The following PRKG1 variants were observed in gnomAD, a reference collection of about 807,000 sequenced individuals.
PRKG1 encodes the protein protein kinase cGMP-dependent 1.
Under a neutral mutation model 88.1 loss-of-function variants are expected in PRKG1, and 35 were observed. The ratio of observed to expected loss-of-function variants is 0.40; its 90% confidence interval spans 0.30 to 0.53. The LOEUF (loss-of-function observed/expected upper bound fraction) is 0.53. PRKG1 is among the 20% of genes least tolerant of loss of function. PRKG1 has a pLI of 0.59. For missense variants in PRKG1, 540 were observed against 839.8 expected (o/e 0.64, Z 4.41); for synonymous variants, 303 against 292.5 (o/e 1.04, Z -0.37).
chr10:51,240,625 G>A (rs1397112162), intron 2 of PRKG1, among the ~76,000 whole-genome samples: 3 of 152,130 alleles, frequency 2.0e-5, no homozygotes, highest in South Asian at 2.1e-4. Context: ...TTGTATTTAT[G>A]TATCTAATTG....
chr10:51,668,987 A>G (rs1456599340), intron 3 of PRKG1, among the ~76,000 whole-genome samples: 1 of 152,174 alleles, frequency 6.6e-6, no homozygotes, highest in Non-Finnish European at 1.5e-5. Context: ...CTTTCATGTT[A>G]TACCTAATGT....
At chr10:51,459,693 T>C (rs757364541) in intron 2 of PRKG1, among the ~76,000 whole-genome samples, 15 of 152,170 alleles carry the variant, frequency 9.9e-5, no homozygotes, top group Non-Finnish European at 2.1e-4. Context: ...AGTCAGTCAA[T>C]GGTGGAGCCA....
At chr10:52,088,553 T>A (rs1415342826) in intron 7 of PRKG1, among the ~76,000 whole-genome samples, 1 of 152,148 alleles carries the variant, frequency 6.6e-6, no homozygotes, top group East Asian at 1.9e-4. Flanking sequence ...CTATCTCCTG[T>A]GCTGTGTGTG....
In PRKG1 at chr10:51,554,107, C is replaced by T. The variant is rs982365241; in HGVS notation, c.592+86271C>T. ...GTGATACGTGTATATATTATATGTG[C>T]GTATGTGATACGTGTATATATTATA... On this transcript the variant is annotated intron_variant, in intron 3 of 17. Transcript: ENST00000373980. 3.0e-4 allele frequency among the ~76,000 whole-genome samples: 36 copies of T among 119,608 alleles called. 8 individuals carry two copies. The highest frequency in any genetic ancestry group is 5.6e-3 in the Middle Eastern group (1 of 180). The allele number at this position is 119,608 out of a possible 152,430, so 78.5% of individuals were successfully genotyped here.
chr10:52,038,343 C>T (rs949567754), intron 5 of PRKG1, among the ~76,000 whole-genome samples: 15 of 147,254 alleles, frequency 1.0e-4, no homozygotes, highest in East Asian at 8.0e-4. Context: ...GAGGTTGGGG[C>T]GCAGAGATAA....
intron 2 of PRKG1, among the ~76,000 whole-genome samples, chr10:51,279,049 G>A (rs929781742): frequency 2.3e-4 from 35 of 151,896 alleles, no homozygotes; most frequent in African/African-American, 8.5e-4. Flanking sequence ...GCAATGTTAG[G>A]GTGTCAATTT....
At chr10:51,790,167 A>C (rs1838832909) in intron 3 of PRKG1, among the ~76,000 whole-genome samples, 1 of 152,116 alleles carries the variant, frequency 6.6e-6, no homozygotes, top group South Asian at 2.1e-4. Context: ...AGCCTGTCTA[A>C]ATCTGGATGC....
intron 5 of PRKG1, among the ~76,000 whole-genome samples, chr10:51,928,770 C>G (rs1842629032): frequency 6.6e-6 from 1 of 152,038 alleles, no homozygotes; most frequent in Non-Finnish European, 1.5e-5. Context: ...TTACTGTTGA[C>G]CCACAAAGAG....
chr10:51,530,565 A>G (rs1039800414), intron 3 of PRKG1, among the ~76,000 whole-genome samples: 2 of 152,198 alleles, frequency 1.3e-5, no homozygotes, highest in African/African-American at 4.8e-5. Flanking sequence ...CCATTTGCCC[A>G]TATGAGTTTC....
chr10:51,547,535 G>T lies in PRKG1; in HGVS notation c.592+79699G>T, dbSNP rs149655852. 4.4e-3 allele frequency among the ~76,000 whole-genome samples: 673 copies of T among 152,096 alleles called. 6 individuals carry two copies. Among genetic ancestry groups the T allele is most frequent in the African/African-American group, 0.015 (637 of 41,506 alleles). On this transcript the variant is annotated intron_variant, in intron 3 of 17. Transcript: ENST00000373980. ...TAGAAGAATTACATTTGATTTTATA[G>T]GACACTGAAAGTTCTCATTCTTGTC...
intron 1 of PRKG1, among the ~76,000 whole-genome samples, chr10:51,033,678 G>A (rs902724782): frequency 1.3e-5 from 2 of 152,102 alleles, no homozygotes; most frequent in Non-Finnish European, 2.9e-5. Context: ...GTCTTAAAAG[G>A]TATGATTCCC....
At chr10:52,170,568 G>A (rs929940616) in intron 9 of PRKG1, among the ~76,000 whole-genome samples, 1 of 152,066 alleles carries the variant, frequency 6.6e-6, no homozygotes, top group Non-Finnish European at 1.5e-5. Context: ...CCACTCCATC[G>A]ACACTCTGCA....
chr10:51,675,849 A>G (rs1255460698), intron 3 of PRKG1, among the ~76,000 whole-genome samples: 1 of 152,198 alleles, frequency 6.6e-6, no homozygotes, highest in Non-Finnish European at 1.5e-5. Context: ...TGTGGAAGCC[A>G]ATAAACTACA....
chr10:51,173,559 C>T (rs1307456118), intron 2 of PRKG1, among the ~76,000 whole-genome samples: 2 of 151,746 alleles, frequency 1.3e-5, no homozygotes, highest in African/African-American at 4.8e-5. Flanking sequence ...ATTTATTGAG[C>T]TAATCTTCAT....
intron 1 of PRKG1, among the ~76,000 whole-genome samples, chr10:51,084,905 GC>G (rs1312465504): frequency 6.6e-6 from 1 of 152,164 alleles, no homozygotes; most frequent in African/African-American, 2.4e-5. Flanking sequence ...GTAATATCAA[GC>G]TTTCACCAGA....
At chr10:52,136,180 T>G in intron 8 of PRKG1, among the ~76,000 whole-genome samples, 1 of 152,172 alleles carries the variant, frequency 6.6e-6, no homozygotes, top group African/African-American at 2.4e-5. Context: ...GTGAGAACAC[T>G]GAGCTTACAG....
chr10:51,719,165 A>AGAGG (rs1841956696), intron 3 of PRKG1, among the ~76,000 whole-genome samples: 1 of 150,504 alleles, frequency 6.6e-6, no homozygotes, highest in Non-Finnish European at 1.5e-5. Context: ...AAAGAGAGAG[A>AGAGG]GAGAGAGGGA....
At chr10:51,226,918 A>G (rs1838708254) in intron 2 of PRKG1, among the ~76,000 whole-genome samples, 1 of 152,138 alleles carries the variant, frequency 6.6e-6, no homozygotes, top group South Asian at 2.1e-4. Flanking sequence ...TCAACTATTG[A>G]TGTGAATAGG....
chr10:51,937,547 A>G (rs1842821886), intron 5 of PRKG1, among the ~76,000 whole-genome samples: 1 of 152,078 alleles, frequency 6.6e-6, no homozygotes, highest in African/African-American at 2.4e-5. Context: ...ATCAGATCCA[A>G]GAGTTGTACA....
Sources: gnomAD v4.1 joint callset for allele counts (sites outside exome capture counted in the v4.1 genomes callset) on GRCh38, gnomAD v4.1.1 for gene constraint, MANE v1.5 for transcripts, NCBI Gene and HGNC (gene_info 2026-07-23, HGNC 2026-07-21) for gene names.